The following FOXK1 variants were observed in gnomAD, a reference collection of about 807,000 sequenced individuals.
FOXK1 encodes the protein forkhead box protein K1.
FOXK1 carries 19 observed loss-of-function variants against 51.9 expected under a neutral mutation model. The observed-to-expected ratio is 0.37, with a 90% CI of 0.26 to 0.54. The LOEUF (loss-of-function observed/expected upper bound fraction) is 0.54, where lower values mean the gene tolerates loss of function less well. Ranked by LOEUF, FOXK1 falls within the 20% of genes least tolerant of loss-of-function variation. The pLI is 0.87. For missense variants in FOXK1, 870 were observed against 1,032.7 expected, an observed-to-expected ratio of 0.84 and a Z score of 2.16; for synonymous variants, 537 against 482.6, an observed-to-expected ratio of 1.11 and a Z score of -1.48.
Position 4,760,383 on chromosome 7 carries a change from A to G in FOXK1, c.1697-681A>G, listed in dbSNP as rs535633079. Among the ~76,000 whole-genome samples, 18 of 151,958 alleles carry G rather than the reference A, an allele frequency of 1.2e-4. No homozygotes were observed. The South Asian group carries it at 3.3e-3, about 28-fold the overall frequency. On this transcript the variant is annotated intron_variant, in intron 7 of 8. Coordinates refer to ENST00000328914, the MANE Select transcript of FOXK1 (RefSeq NM_001037165.2). ...CAGTTAGGCAGCGCCCTCCTAGGCC[A>G]CTCTCCACCCTGGACTTCCTCTCCG...
intron 1 of FOXK1, among the ~76,000 whole-genome samples, chr7:4,691,334 A>G (rs189408883): frequency 2.1e-4 from 32 of 152,318 alleles, no homozygotes; most frequent in Middle Eastern, 6.8e-3. Context: ...CAGGAAGTAG[A>G]CAAACTGATC....
rs1358368639 is a variant in FOXK1, at chr7:4,747,132, G to A, written c.746+6109G>A. Among the ~76,000 whole-genome samples the A allele has an allele frequency of 1.4e-4, 21 of 152,290 alleles. No individual in the cohort carries two copies. In the South Asian group the frequency reaches 1.9e-3, roughly 14 times the overall value. On this transcript the variant is annotated intron_variant, in intron 2 of 8. Transcript: ENST00000328914. The surrounding 1 kb of genome is among the most constrained non-coding windows in gnomAD (Gnocchi z 9.2). ...GAATCTGTTGAAAGGACATCCCCAC[G>A]CCCGCGTTTCCTGTAATCTCGGAGG...
chr7:4,709,416 A>G lies in FOXK1; in HGVS notation c.560+26548A>G, dbSNP rs907319793. Among the ~76,000 whole-genome samples the G allele has an allele frequency of 6.6e-6, 1 of 152,080 alleles. No individual in the cohort carries two copies. The highest frequency in any genetic ancestry group is 2.4e-5 in the African/African-American group (1 of 41,426). On this transcript the variant is annotated intron_variant, in intron 1 of 8. Coordinates refer to ENST00000328914, the MANE Select transcript of FOXK1 (RefSeq NM_001037165.2). The surrounding 1 kb of genome is among the most constrained non-coding windows in gnomAD (Gnocchi z 5.6). ...TCTGGACAGGGCCAGGCTCTTCCCAAGCGCACAGTCCACATAGGCTGCTTA... is the reference window on the plus strand; with the variant it reads ...TCTGGACAGGGCCAGGCTCTTCCCAGGCGCACAGTCCACATAGGCTGCTTA...
rs1474978492 is a variant in FOXK1 at position 4,707,741 on chromosome 7, G to A, written c.560+24873G>A. On this transcript the variant is annotated intron_variant, in intron 1 of 8. Transcript: ENST00000328914. The surrounding 1 kb of genome is among the most constrained non-coding windows in gnomAD (Gnocchi z 4.1). The stretch of plus-strand genomic sequence containing the variant: ...TCTCCGTTGCCCAGGCTGGAGTGCA[G>A]TGGCACGATCGTGGCTCTCTGCAAC... Among the ~76,000 whole-genome samples the A allele has an allele frequency of 1.3e-5, 2 of 151,524 alleles. No homozygotes were observed. The highest frequency in any genetic ancestry group is 4.9e-5 in the African/African-American group (2 of 41,070).
At chr7:4,686,221 G>C (rs976567574) in intron 1 of FOXK1, among the ~76,000 whole-genome samples, 1 of 152,106 alleles carries the variant, frequency 6.6e-6, no homozygotes, top group Admixed American at 6.6e-5. Context: ...TGCCTTGGAC[G>C]TGCTTGGATT....
At position 4,748,314 on chromosome 7, in the gene FOXK1, A is replaced by G. The variant is rs1780732172; in HGVS notation, c.747-6145A>G. ...TAGATATTACACATGAGGTTCCTAT[A>G]TGGAAATTAAGGATTTAGCTTCCCC... On this transcript the variant is annotated intron_variant, in intron 2 of 8. Coordinates refer to ENST00000328914, the MANE Select transcript of FOXK1 (RefSeq NM_001037165.2). The surrounding 1 kb of genome is among the most constrained non-coding windows in gnomAD (Gnocchi z 4.9). Among the ~76,000 whole-genome samples, 1 of 152,180 alleles carries G rather than the reference A, an allele frequency of 6.6e-6. No homozygotes were observed. The highest frequency in any genetic ancestry group is 2.1e-4 in the South Asian group (1 of 4,822).
intron 1 of FOXK1, among the ~76,000 whole-genome samples, chr7:4,737,548 G>C (rs930364828): frequency 9.1e-6 from 1 of 109,348 alleles, no homozygotes; most frequent in Non-Finnish European, 1.8e-5. Context: ...ACGTGTGTGC[G>C]TGCCTGTGTG....
intron 1 of FOXK1, among the ~76,000 whole-genome samples, chr7:4,689,512 G>T (rs866946024): frequency 2.3e-4 from 35 of 152,176 alleles, no homozygotes; most frequent in African/African-American, 8.0e-4. Flanking sequence ...TGACAATTGG[G>T]TGTTTTCATG....
intron 1 of FOXK1, among the ~76,000 whole-genome samples, chr7:4,685,211 G>C (rs1221398420): frequency 7.0e-6 from 1 of 143,372 alleles, no homozygotes; most frequent in Non-Finnish European, 1.5e-5. Flanking sequence ...TCCTAGAAAA[G>C]AGCTATTTGC....
chr7:4,763,114 G>T lies in FOXK1; in HGVS notation c.*650G>T, dbSNP rs1193727640. The T allele has an allele frequency of 6.5e-6, 1 of 152,726 alleles. No homozygotes were observed. Among genetic ancestry groups the T allele is most frequent in the African/African-American group, 2.4e-5 (1 of 41,446 alleles). The allele number at this position is 152,726 out of a possible 1,614,324, so 9.5% of individuals were successfully genotyped here. ...GACACAAAAGGGATCATGTATTTTT[G>T]AGGATTTTACCTGTTGACGTCTGAT... is the stretch of plus-strand genomic sequence containing the variant. On this transcript the variant is annotated 3_prime_UTR_variant, in exon 9 of 9. Transcript: ENST00000328914.
Position 4,761,247 on chromosome 7 carries a change from A to G in FOXK1, c.1880A>G (p.Lys627Arg), listed in dbSNP as rs1780928671. ...LPVRAVTQNG[K>R]HAVPTNSLAG... ...GTCCGGGCCGTGACCCAGAACGGAA[A>G]GCATGCGGTTCCCACGAACAGTTTA... Residue 627 changes from lysine to arginine, a missense_variant, in exon 8 of 9, where the codon AAG (lysine) becomes AGG (arginine). By Grantham distance (26) the Lys-to-Arg change is conservative. Around this residue, in one of 3 missense-constraint regions of FOXK1, gnomAD observed 457 missense variants for 510.8 expected, o/e 0.89. Coordinates refer to ENST00000328914, the MANE Select transcript of FOXK1 (RefSeq NM_001037165.2). The surrounding 1 kb of genome is among the most constrained non-coding windows in gnomAD (Gnocchi z 6.2). The G allele has an allele frequency of 2.5e-6, 4 of 1,613,142 alleles. No individual in the cohort carries two copies. The Admixed American group carries it at 5.0e-5, about 20-fold the overall frequency.
chr7:4,687,302 T>C (rs1278891166), intron 1 of FOXK1, among the ~76,000 whole-genome samples: 1 of 151,898 alleles, frequency 6.6e-6, no homozygotes, highest in Admixed American at 6.6e-5. Context: ...TTTTCGTTTT[T>C]GTTTTTTTGC....
chr7:4,702,850 C>T (rs1210998469), intron 1 of FOXK1, among the ~76,000 whole-genome samples: 2 of 152,192 alleles, frequency 1.3e-5, no homozygotes, highest in Non-Finnish European at 2.9e-5. Flanking sequence ...CCCCTGCCTT[C>T]CTCTTCTCAG....
chr7:4,701,785 C>T (rs1212400244), intron 1 of FOXK1, among the ~76,000 whole-genome samples: 2 of 152,246 alleles, frequency 1.3e-5, no homozygotes, highest in African/African-American at 4.8e-5. Flanking sequence ...CCCAGCTACT[C>T]GGGAGGCTGA....
intron 2 of FOXK1, among the ~76,000 whole-genome samples, chr7:4,754,222 C>G (rs115582791): frequency 1.4e-4 from 21 of 152,186 alleles, no homozygotes. Context: ...GAGGAGGGCC[C>G]GCGGTGCTCT....
intron 2 of FOXK1, among the ~76,000 whole-genome samples, chr7:4,744,730 T>C (rs1471406963): frequency 6.6e-6 from 1 of 152,256 alleles, no homozygotes; most frequent in Non-Finnish European, 1.5e-5. Context: ...GGCCTGCACC[T>C]GCCCTGCTCT....
intron 1 of FOXK1, among the ~76,000 whole-genome samples, chr7:4,717,169 A>T (rs899127782): frequency 1.2e-5 from 1 of 86,682 alleles, no homozygotes; most frequent in Non-Finnish European, 2.4e-5. Flanking sequence ...ATGGAAGGTG[A>T]TGGTGGGAGG....
chr7:4,697,739 G>A (rs1779971060), intron 1 of FOXK1, among the ~76,000 whole-genome samples: 1 of 124,648 alleles, frequency 8.0e-6, no homozygotes, highest in Admixed American at 9.2e-5. Context: ...AGGAAAGATA[G>A]GCTGTGTGTG....
In FOXK1 at chr7:4,766,780, C is replaced by G. The variant is rs1242383325; in HGVS notation, c.*4316C>G. 1 of 152,172 alleles carries G rather than the reference C, an allele frequency of 6.6e-6. No homozygotes were observed. Among genetic ancestry groups the G allele is most frequent in the Non-Finnish European group, 1.5e-5 (1 of 68,038 alleles). 9.4% of individuals were successfully genotyped at this position (152,172 alleles called of 1,614,324 possible). A position where few individuals can be genotyped will look rare whatever the true frequency, so the allele number is the denominator to read the frequency against. On this transcript the variant is annotated 3_prime_UTR_variant, in exon 9 of 9. Coordinates refer to ENST00000328914, the MANE Select transcript of FOXK1 (RefSeq NM_001037165.2). The surrounding 1 kb of genome is among the most constrained non-coding windows in gnomAD (Gnocchi z 5.5). ...GATCACAGGCATCATTCAGCGAATG[C>G]TCTTGTGTCCTCTGCATAAAGAGGG...
Sources: allele counts gnomAD v4.1 joint callset (sites outside exome capture counted in the v4.1 genomes callset), GRCh38; gene constraint gnomAD v4.1.1; regional missense constraint gnomAD v4.1.1; non-coding constraint Gnocchi (gnomAD v3.1); transcripts MANE v1.5; gene names NCBI Gene and HGNC (gene_info 2026-07-23, HGNC 2026-07-21).